The following SOX5 variants were observed in gnomAD, a reference collection of about 807,000 sequenced individuals.
SOX5 encodes the protein SRY-box transcription factor 5, also known as transcription factor SOX-5.
Under a neutral mutation model 92.0 loss-of-function variants are expected in SOX5, and 9 were observed. The ratio of observed to expected loss-of-function variants is 0.10; its 90% CI spans 0.06 to 0.17. The LOEUF is 0.17. Ranked by LOEUF, SOX5 falls within the 10% of genes least tolerant of loss-of-function variation. SOX5 has a pLI of 1.00. For missense variants in SOX5, 642 were observed against 944.5 expected (o/e 0.68, Z 4.20); for synonymous variants, 344 against 336.3 (o/e 1.02, Z -0.25).
intron 1 of SOX5, among the ~76,000 whole-genome samples, chr12:24,524,744 A>T (rs940330387): frequency 5.3e-5 from 8 of 152,168 alleles, no homozygotes; most frequent in Non-Finnish European, 1.2e-4. Flanking sequence ...CACTCTCTAT[A>T]AAAAATAGTA....
At position 24,121,972 on chromosome 12, in the gene SOX5, C is replaced by T. The variant is rs1593354716; in HGVS notation, c.-2+91371G>A. 2.0e-5 allele frequency among the ~76,000 whole-genome samples: 3 copies of T among 149,366 alleles called. No individual in the cohort carries two copies. In the South Asian group the frequency reaches 6.4e-4, roughly 32 times the overall value. On this transcript the variant is annotated intron_variant, in intron 4 of 4. Coordinates refer to the SOX5 transcript ENST00000446891. ...AGTGGCAGACCATTACACATCAATGCAAGGAAAAAATTCATCTTGTTCATG... is the reference window on the plus strand; with the variant it reads ...AGTGGCAGACCATTACACATCAATGTAAGGAAAAAATTCATCTTGTTCATG...
chr12:23,719,426 A>G lies in SOX5; in HGVS notation c.810+15258T>C, dbSNP rs181086431. On this transcript the variant is annotated intron_variant, in intron 6 of 14. Coordinates refer to ENST00000451604, the MANE Select transcript of SOX5 (RefSeq NM_006940.6). ...TAAAGATTATTAGCATTTCCATGCT[A>G]CCAGGGTACTAATGTTTCTTTATAA... 2.8e-3 allele frequency among the ~76,000 whole-genome samples: 431 copies of G among 152,252 alleles called. 4 individuals are homozygous for G. Among genetic ancestry groups the G allele is most frequent in the Middle Eastern group, 0.014 (4 of 294 alleles).
chr12:23,961,527 C>A (rs1384433939), intron 4 of SOX5, among the ~76,000 whole-genome samples: 3 of 151,998 alleles, frequency 2.0e-5, no homozygotes, highest in South Asian at 4.2e-4. Context: ...GTATCTTCCC[C>A]CCTTCCCTTC....
intron 6 of SOX5, among the ~76,000 whole-genome samples, chr12:23,691,815 T>C (rs2088873118): frequency 6.6e-6 from 1 of 152,154 alleles, no homozygotes; most frequent in Non-Finnish European, 1.5e-5. Context: ...AAATATCCTT[T>C]GGCTCCAATA....
At chr12:23,846,225 T>A in intron 2 of SOX5, 32 bp from the exon 3 acceptor site, 2 of 1,511,988 alleles carry the variant, frequency 1.3e-6, no homozygotes, top group Non-Finnish European at 1.8e-6. Flanking sequence ...CAAATAATTG[T>A]TTACCTGAAA....
At chr12:24,480,619 A>G (rs1206296207) in intron 1 of SOX5, among the ~76,000 whole-genome samples, 2 of 152,206 alleles carry the variant, frequency 1.3e-5, no homozygotes, top group East Asian at 3.8e-4. Context: ...GACACTTCTC[A>G]AAAAAAGACA....
chr12:24,516,932 C>A (rs973474847), intron 1 of SOX5, among the ~76,000 whole-genome samples: 2 of 151,908 alleles, frequency 1.3e-5, no homozygotes, highest in African/African-American at 4.8e-5. Flanking sequence ...ATTTCTGTTC[C>A]AATGCTTTAA....
intron 4 of SOX5, among the ~76,000 whole-genome samples, chr12:24,189,621 G>A (rs939409157): frequency 6.6e-6 from 1 of 152,038 alleles, no homozygotes; most frequent in African/African-American, 2.4e-5. Flanking sequence ...ATCTGGGGGA[G>A]GCAATATAGC....
intron 2 of SOX5, among the ~76,000 whole-genome samples, chr12:24,288,825 G>T (rs1459806760): frequency 6.6e-6 from 1 of 151,568 alleles, no homozygotes; most frequent in Non-Finnish European, 1.5e-5. Flanking sequence ...CTTTAAAAGT[G>T]AATTTGGTTC....
intron 2 of SOX5, among the ~76,000 whole-genome samples, chr12:23,871,110 T>A (rs747578477): frequency 2.4e-4 from 36 of 152,228 alleles, no homozygotes; most frequent in Non-Finnish European, 3.8e-4. Context: ...GCAATAACTG[T>A]GAGAAAAATA....
At position 24,235,911 on chromosome 12, in the gene SOX5, T is replaced by C. The variant is rs538888893; in HGVS notation, c.-76-22494A>G. On this transcript the variant is annotated intron_variant, in intron 3 of 4. Transcript: ENST00000446891. ...TGGCAGTAATAAAGAAGTAACAGGC[T>C]GGGTGTGGTGGCTCACGCCTGTAAT... 4.7e-3 allele frequency among the ~76,000 whole-genome samples: 716 copies of C among 152,244 alleles called. 1 individual carries two copies. Among genetic ancestry groups the C allele is most frequent in the Non-Finnish European group, 7.8e-3 (527 of 67,986 alleles).
intron 4 of SOX5, among the ~76,000 whole-genome samples, chr12:23,744,525 C>T (rs956417133): frequency 6.6e-6 from 1 of 152,136 alleles, no homozygotes; most frequent in Admixed American, 6.6e-5. Context: ...CTCAACTACC[C>T]ATCCCTGCAT....
chr12:23,663,784 T>A (rs2083393159), intron 7 of SOX5, among the ~76,000 whole-genome samples: 2 of 151,590 alleles, frequency 1.3e-5, no homozygotes, highest in Admixed American at 1.3e-4. Flanking sequence ...AAAATTAAAA[T>A]TCTATTCATA....
At chr12:23,767,237 C>T (rs1171765416) in intron 3 of SOX5, among the ~76,000 whole-genome samples, 1 of 140,732 alleles carries the variant, frequency 7.1e-6, no homozygotes, top group Non-Finnish European at 1.6e-5. Context: ...CACACACACA[C>T]ACACACACAC....
At chr12:23,807,284 C>T (rs764493652) in intron 3 of SOX5, among the ~76,000 whole-genome samples, 3 of 152,088 alleles carry the variant, frequency 2.0e-5, no homozygotes, top group Non-Finnish European at 4.4e-5. Context: ...TAATACCCAG[C>T]GACTATGAAT....
chr12:24,506,943 A>G (rs1948841662), intron 1 of SOX5, among the ~76,000 whole-genome samples: 1 of 151,638 alleles, frequency 6.6e-6, no homozygotes, highest in Admixed American at 6.6e-5. Context: ...GGCGCCCGCC[A>G]CTGCACCCGG....
chr12:23,595,998 C>T (rs1312056565), intron 9 of SOX5, among the ~76,000 whole-genome samples: 3 of 152,116 alleles, frequency 2.0e-5, no homozygotes, highest in African/African-American at 7.2e-5. Flanking sequence ...CTTGATATTG[C>T]GAGACTCTAG....
intron 1 of SOX5, among the ~76,000 whole-genome samples, chr12:24,374,783 C>A (rs944878545): frequency 1.3e-5 from 2 of 152,122 alleles, no homozygotes; most frequent in Non-Finnish European, 2.9e-5. Context: ...TGTGACAGCC[C>A]ACACTCCCAG....
chr12:24,469,316 C>T lies in SOX5; in HGVS notation c.-251+93013G>A, dbSNP rs116229387. 3.0e-3 allele frequency among the ~76,000 whole-genome samples: 461 copies of T among 152,282 alleles called. 3 individuals carry two copies. Among genetic ancestry groups the T allele is most frequent in the African/African-American group, 9.7e-3 (401 of 41,554 alleles). ...TTGCTCACCCACCACTCACCTCCTGCTGCGTGGCCAAGTTCCTAACAGACC... is the reference window on the plus strand; with the variant it reads ...TTGCTCACCCACCACTCACCTCCTGTTGCGTGGCCAAGTTCCTAACAGACC... On this transcript the variant is annotated intron_variant, in intron 1 of 4. Transcript: ENST00000446891.
Sources: gnomAD v4.1 joint callset for allele counts (sites outside exome capture counted in the v4.1 genomes callset) on GRCh38, gnomAD v4.1.1 for gene constraint, MANE v1.5 for transcripts, NCBI Gene and HGNC (gene_info 2026-07-23, HGNC 2026-07-21) for gene names.